Variants in BICDL2 observed in about 807,000 individuals in gnomAD.
BICDL2 encodes BICD family like cargo adaptor 2.
A neutral mutation model predicts 56.6 loss-of-function variants in BICDL2; 62 were observed. The observed-to-expected ratio is 1.10, with a 90% CI of 0.89 to 1.35. The LOEUF (loss-of-function observed/expected upper bound fraction) is 1.35, where lower values mean the gene tolerates loss of function less well. Ranked by LOEUF, BICDL2 falls within the 40% of genes most tolerant of loss-of-function variation. The pLI, the probability that BICDL2 is intolerant of heterozygous loss-of-function variation, is 0.00. For synonymous variants in BICDL2, 358 were observed against 319.8 expected, an observed-to-expected ratio of 1.12 and a Z score of -1.27; for missense variants, 808 against 684.5, an observed-to-expected ratio of 1.18 and a Z score of -2.01.
rs765320144 is a variant in BICDL2, at chr16:3,030,540, C to G, written c.671G>C (p.Arg224Pro). The change falls in exon 5 of 10, where the codon CGT (arginine) becomes CCT (proline). Residue 224 changes from arginine (R) to proline (P), a missense_variant. Transcript: ENST00000572449. ...QDLEAQIRGL[R>P]EEVEKGEGRL... ...GCCCTCACCCTTCTCCACCTCCTCA[C>G]GCAGGCCTCGGATCTGGGCCTCCAG... The G allele has an allele frequency of 1.3e-6, 2 of 1,599,728 alleles. No homozygotes were observed. The highest frequency in any genetic ancestry group is 8.5e-7 in the Non-Finnish European group (1 of 1,177,348).
chr16:3,028,637 G>C, intron 8 of BICDL2, 63 bp downstream of exon 8: 1 of 1,536,304 alleles, frequency 6.5e-7, no homozygotes, highest in African/African-American at 1.4e-5. Flanking sequence ...TATCAGAAGA[G>C]GAATCAGGAG....
At chr16:3,035,899 T>TTTAATGATA in intron 1 of BICDL2, 1 of 295,574 alleles carries the variant, frequency 3.4e-6, no homozygotes, top group South Asian at 3.3e-5. Flanking sequence ...ACCCAGGTTC[T>TTTAATGATA]CAGGGACTCA....
intron 1 of BICDL2, 108 bp downstream of exon 1, chr16:3,036,786 G>A (rs1346309587): frequency 2.8e-6 from 1 of 352,256 alleles, no homozygotes; most frequent in Non-Finnish European, 5.5e-6. Context: ...CGGCGATCCC[G>A]GTTCCCCTGC....
At chr16:3,031,709 T>G (rs541268753) in intron 2 of BICDL2, 50 of 397,114 alleles carry the variant, frequency 1.3e-4, no homozygotes, top group Non-Finnish European at 1.9e-4. Flanking sequence ...TGGCCCACTC[T>G]CTCTAGGCCC....
intron 1 of BICDL2, chr16:3,036,596 C>A (rs1007842992): frequency 1.1e-5 from 5 of 451,492 alleles, no homozygotes; most frequent in African/African-American, 2.0e-5. Context: ...ACTTGGCCCT[C>A]GCGGGCCCCG....
At position 3,027,797 on chromosome 16, in the gene BICDL2, T is replaced by C; in HGVS notation, c.*309A>G. Reference sequence around the variant, plus strand: ...ATGGGGGCCAAATCGGTGGAGTGATTTATATATTACTCTGTCCGATCTTGA... The same window carrying C: ...ATGGGGGCCAAATCGGTGGAGTGATCTATATATTACTCTGTCCGATCTTGA... On this transcript the variant is annotated 3_prime_UTR_variant, in exon 10 of 10. Coordinates refer to ENST00000572449, the MANE Select transcript of BICDL2 (RefSeq NM_001369667.1). 2 of 967,588 alleles carry C rather than the reference T, an allele frequency of 2.1e-6. No homozygotes were observed. The highest frequency in any genetic ancestry group is 2.6e-5 in the East Asian group (1 of 37,984). The allele number at this position is 967,588 out of a possible 1,614,324, so 59.9% of individuals were successfully genotyped here.
chr16:3,028,850 G>A lies in BICDL2; in HGVS notation c.1108-20C>T, dbSNP rs902521240. 6.5e-7 allele frequency: 1 copy of A among 1,532,336 alleles called. No homozygotes were observed. The highest frequency in any genetic ancestry group is 1.2e-5 in the South Asian group (1 of 83,472). 94.9% of individuals were successfully genotyped at this position (1,532,336 alleles called of 1,614,324 possible). On this transcript the variant is annotated intron_variant, in intron 7 of 9. Coordinates refer to ENST00000572449, the MANE Select transcript of BICDL2 (RefSeq NM_001369667.1). ...CGAGATCTGTGAGCAGAGGAGGGGGGCCGTGCGGCAGATGGGCCAATGGGC... is the reference window on the plus strand; with the variant it reads ...CGAGATCTGTGAGCAGAGGAGGGGGACCGTGCGGCAGATGGGCCAATGGGC...
At chr16:3,029,953 G>A (rs575390081) in intron 5 of BICDL2, 25 of 537,782 alleles carry the variant, frequency 4.6e-5, no homozygotes, top group South Asian at 4.1e-4. Context: ...GCCGCACCTC[G>A]AAGAGCCCCA....
intron 8 of BICDL2, 107 bp downstream of exon 8, chr16:3,028,593 G>A (rs1294309773): frequency 6.6e-7 from 1 of 1,512,114 alleles, no homozygotes. Flanking sequence ...AGGTCAGGGG[G>A]CCCCTGGGTG....
Position 3,028,801 on chromosome 16 carries a change from G to A in BICDL2, c.1137C>T (p.Ser379=). 2 of 1,555,134 alleles carry A rather than the reference G, an allele frequency of 1.3e-6. No homozygotes were observed. Among genetic ancestry groups the A allele is most frequent in the Non-Finnish European group, 1.7e-6 (2 of 1,150,630 alleles). ...TCTGCCTCTGCAGCTCTTCCCGCAG[G>A]GACTGCAGCTCTGCCTGCTGCAGCG... ...EISLQQAELQ[S]LREELQRQKE... is the part of the protein sequence containing the mutation. The change falls in exon 8 of 10, where the codon TCC becomes TCT. Residue 379 remains serine, a synonymous_variant. Coordinates refer to ENST00000572449, the MANE Select transcript of BICDL2 (RefSeq NM_001369667.1).
intron 2 of BICDL2, chr16:3,033,024 G>C (rs35444723): frequency 0.33 from 50,915 of 152,352 alleles, 8,880 homozygotes; most frequent in Middle Eastern, 0.39. Context: ...GAAGCTGGGG[G>C]CTGGGCACGG....
Position 3,027,686 on chromosome 16 carries a change from G to T in BICDL2, c.*420C>A. 1 of 1,571,666 alleles carries T rather than the reference G, an allele frequency of 6.4e-7. No individual in the cohort carries two copies. The highest frequency in any genetic ancestry group is 1.2e-5 in the South Asian group (1 of 84,584). On this transcript the variant is annotated 3_prime_UTR_variant, in exon 10 of 10. Transcript: ENST00000572449. ...CTGACGACACCCCCAGCCAGCTCAG[G>T]GTTTTAGAGTGTTTTTCATTTTCTT...
intron 2 of BICDL2, 58 bp downstream of exon 2, chr16:3,035,157 A>AG: frequency 4.3e-6 from 5 of 1,155,970 alleles, no homozygotes; most frequent in Non-Finnish European, 1.2e-6. Flanking sequence ...TGTCCTCTCC[A>AG]GGCCCACCCG....
chr16:3,029,203 G>T, intron 7 of BICDL2, 77 bp downstream of exon 7: 1 of 1,537,966 alleles, frequency 6.5e-7, no homozygotes, highest in East Asian at 2.4e-5. Flanking sequence ...AGTGGGCAAA[G>T]GCTGGGAGGT....
intron 7 of BICDL2, 59 bp from the exon 8 acceptor site, chr16:3,028,889 C>T (rs1190375765): frequency 2.5e-5 from 38 of 1,497,160 alleles, no homozygotes; most frequent in Middle Eastern, 2.3e-4. Context: ...CCTGCTTCTC[C>T]CAGCAGCCCC....
chr16:3,030,897 C>T (rs1158546630), intron 3 of BICDL2, 38 bp downstream of exon 3: 4 of 1,544,932 alleles, frequency 2.6e-6, no homozygotes, highest in Admixed American at 1.9e-5. Context: ...GCATCCTCCC[C>T]AACCTTGTCC....
chr16:3,029,861 T>TGGA lies in BICDL2; in HGVS notation c.763-123_763-122insTCC. The TGGA allele has an allele frequency of 4.8e-6, 4 of 827,548 alleles. No homozygotes were observed. In the South Asian group the frequency reaches 7.5e-5, roughly 15 times the overall value. The allele number at this position is 827,548 out of a possible 1,614,324, so 51.3% of individuals were successfully genotyped here. ...CCCCGCACCCCAGCGGCCCAGGCTG[T>TGGA]TCCCGTTCCTGGATCGCTGGGCGCC... On this transcript the variant is annotated intron_variant, in intron 5 of 9. Transcript: ENST00000572449.
intron 6 of BICDL2, 34 bp downstream of exon 6, chr16:3,029,511 C>G (rs762186927): frequency 1.3e-6 from 2 of 1,564,814 alleles, no homozygotes; most frequent in South Asian, 2.3e-5. Flanking sequence ...CTCTCGATGG[C>G]ACAGGTAAGG....
chr16:3,030,971 G>A lies in BICDL2; in HGVS notation c.462C>T (p.Ser154=), dbSNP rs778969705. 1.7e-5 allele frequency: 26 copies of A among 1,551,290 alleles called. No homozygotes were observed. In the South Asian group the frequency reaches 1.9e-4, roughly 11 times the overall value. Residue 154 remains serine, a synonymous_variant, in exon 3 of 10, where the codon AGC becomes AGT. Coordinates refer to ENST00000572449, the MANE Select transcript of BICDL2 (RefSeq NM_001369667.1). ...RERARALSEL[S]EQNLRLSQQL... is the part of the protein sequence containing the mutation. ...GCTGGCTGAGCCGGAGGTTCTGCTC[G>A]CTGAGCTCGCTGAGGGCCCGTGCCC...
Sources: allele counts gnomAD v4.1 joint callset, GRCh38; gene constraint gnomAD v4.1.1; transcripts MANE v1.5; gene names NCBI Gene and HGNC (gene_info 2026-07-23, HGNC 2026-07-21).